KCNB2: variants seen among roughly 807,000 people sequenced by gnomAD.
KCNB2 encodes delayed rectifier potassium channel protein.
Under a neutral mutation model 61.5 loss-of-function variants are expected in KCNB2, and 15 were observed. That is an observed-to-expected ratio of 0.24 (90% CI 0.16 to 0.38). The LOEUF (loss-of-function observed/expected upper bound fraction) is 0.38. Among genes scored for constraint, KCNB2 ranks in the 10% least tolerant of loss-of-function variants. The pLI, the probability that KCNB2 is intolerant of heterozygous loss-of-function variation, is 1.00. For synonymous variants in KCNB2, 457 were observed against 446.0 expected (o/e 1.02, Z -0.31); for missense variants, 828 against 1,125.2 (o/e 0.74, Z 3.78).
intron 2 of KCNB2, among the ~76,000 whole-genome samples, chr8:72,580,640 T>C (rs1806876740): frequency 6.6e-6 from 1 of 152,186 alleles, no homozygotes; most frequent in African/African-American, 2.4e-5. Context: ...GAATCCTATT[T>C]ACAACCATGG....
chr8:72,794,564 C>CAAA (rs397892520), intron 2 of KCNB2, among the ~76,000 whole-genome samples: 22 of 56,928 alleles, frequency 3.9e-4, no homozygotes, highest in Non-Finnish European at 5.3e-4. Flanking sequence ...GACTCCATCT[C>CAAA]AAAAAAAAAA....
chr8:72,756,639 G>C (rs1388567778), intron 2 of KCNB2, among the ~76,000 whole-genome samples: 3 of 152,180 alleles, frequency 2.0e-5, no homozygotes, highest in African/African-American at 7.2e-5. Flanking sequence ...TTAATCGAAA[G>C]CACAGTAGAG....
chr8:72,547,940 T>A (rs935727906), intron 1 of KCNB2, among the ~76,000 whole-genome samples: 1 of 152,180 alleles, frequency 6.6e-6, no homozygotes, highest in Non-Finnish European at 1.5e-5. Flanking sequence ...AACTTCATTG[T>A]TGTCTCATTT....
intron 2 of KCNB2, 105 bp downstream of exon 2, chr8:72,568,418 T>C: frequency 4.2e-6 from 4 of 943,058 alleles, no homozygotes; most frequent in Non-Finnish European, 6.4e-6. Context: ...CAGAACAAAG[T>C]GTGGCTACAC....
At chr8:72,935,844 C>T in intron 2 of KCNB2, 91 bp from the exon 3 acceptor site, 1 of 846,776 alleles carries the variant, frequency 1.2e-6, no homozygotes, top group Non-Finnish European at 1.9e-6. Flanking sequence ...TTGGAGCATT[C>T]CATATTAGTT....
intron 2 of KCNB2, among the ~76,000 whole-genome samples, chr8:72,909,986 A>C (rs994231665): frequency 1.3e-5 from 2 of 152,130 alleles, no homozygotes; most frequent in African/African-American, 2.4e-5. Context: ...GGAGCTAAGG[A>C]GAGAGATCCC....
intron 2 of KCNB2, among the ~76,000 whole-genome samples, chr8:72,652,497 C>G (rs1457898430): frequency 6.6e-6 from 1 of 152,110 alleles, no homozygotes; most frequent in South Asian, 2.1e-4. Context: ...TTGTCCTTCC[C>G]CTGTTAAAAG....
At chr8:72,934,165 G>C (rs979179452) in intron 2 of KCNB2, among the ~76,000 whole-genome samples, 2 of 152,046 alleles carry the variant, frequency 1.3e-5, no homozygotes, top group African/African-American at 4.8e-5. Context: ...TGGATCACAA[G>C]ACCAGCCTGG....
At chr8:72,930,772 C>A (rs1806764930) in intron 2 of KCNB2, among the ~76,000 whole-genome samples, 1 of 152,146 alleles carries the variant, frequency 6.6e-6, no homozygotes, top group East Asian at 1.9e-4. Context: ...ACGGTAGTTT[C>A]TTTTGCTGTG....
At chr8:72,922,525 G>T (rs1371741165) in intron 2 of KCNB2, among the ~76,000 whole-genome samples, 2 of 152,184 alleles carry the variant, frequency 1.3e-5, no homozygotes, top group East Asian at 3.9e-4. Flanking sequence ...TTTGGTAAGG[G>T]CTCACTTTTT....
intron 2 of KCNB2, among the ~76,000 whole-genome samples, chr8:72,620,596 G>GTACTT (rs1563540717): frequency 1.3e-5 from 2 of 152,024 alleles, no homozygotes; most frequent in African/African-American, 2.4e-5. Flanking sequence ...TTCCAGTACT[G>GTACTT]TATTTTATTT....
chr8:72,633,044 C>T (rs546356416), intron 2 of KCNB2, among the ~76,000 whole-genome samples: 1 of 152,292 alleles, frequency 6.6e-6, no homozygotes, highest in Admixed American at 6.5e-5. Context: ...TTGACTGGCT[C>T]CTCTGTTCCA....
chr8:72,773,480 T>C (rs2128997353), intron 2 of KCNB2, among the ~76,000 whole-genome samples: 1 of 152,318 alleles, frequency 6.6e-6, no homozygotes, highest in South Asian at 2.1e-4. Flanking sequence ...ACCATTCAAT[T>C]ATTCCTTCAT....
intron 2 of KCNB2, among the ~76,000 whole-genome samples, chr8:72,910,986 T>C (rs746339046): frequency 2.6e-5 from 4 of 152,200 alleles, no homozygotes; most frequent in Non-Finnish European, 5.9e-5. Flanking sequence ...CCTAAAGTCA[T>C]TTCCTATAGA....
chr8:72,579,010 T>G (rs1268461461), intron 2 of KCNB2, among the ~76,000 whole-genome samples: 3 of 152,212 alleles, frequency 2.0e-5, no homozygotes, highest in Admixed American at 6.5e-5. Flanking sequence ...TTGCCACCAA[T>G]GGGAACTTGG....
intron 2 of KCNB2, among the ~76,000 whole-genome samples, chr8:72,676,275 C>A (rs1021485692): frequency 6.6e-6 from 1 of 151,972 alleles, no homozygotes; most frequent in Non-Finnish European, 1.5e-5. Flanking sequence ...GTAATTGGGT[C>A]CAATAATCAA....
chr8:72,738,952 A>T (rs186612197), intron 2 of KCNB2, among the ~76,000 whole-genome samples: 42 of 152,274 alleles, frequency 2.8e-4, no homozygotes, highest in Middle Eastern at 3.4e-3. Flanking sequence ...ATAGGTTTTT[A>T]AAAAAATTAT....
At chr8:72,556,834 A>G (rs1320246069) in intron 1 of KCNB2, among the ~76,000 whole-genome samples, 1 of 152,136 alleles carries the variant, frequency 6.6e-6, no homozygotes, top group Non-Finnish European at 1.5e-5. Context: ...CTTTGGGACT[A>G]TTACTACAGG....
chr8:72,805,566 G>A (rs1172696046), intron 2 of KCNB2, among the ~76,000 whole-genome samples: 1 of 152,164 alleles, frequency 6.6e-6, no homozygotes, highest in Non-Finnish European at 1.5e-5. Context: ...AAGATCTTGG[G>A]AAAGAGCAAT....
Sources: allele counts gnomAD v4.1 joint callset (sites outside exome capture counted in the v4.1 genomes callset), GRCh38; gene constraint gnomAD v4.1.1; transcripts MANE v1.5; gene names NCBI Gene and HGNC (gene_info 2026-07-23, HGNC 2026-07-21).